Variants in MAX observed in about 807,000 individuals in gnomAD.
The protein encoded by MAX is protein max.
In MAX, 3 loss-of-function variants were observed where a neutral mutation model predicts 22.3. The observed-to-expected ratio is 0.13, with a 90% CI of 0.06 to 0.35. The LOEUF (loss-of-function observed/expected upper bound fraction) is 0.35. MAX is among the 10% of genes least tolerant of loss of function. The pLI is 1.00. For missense variants in MAX, 119 were observed against 209.4 expected, an observed-to-expected ratio of 0.57 and a Z score of 2.66; for synonymous variants, 72 against 77.7, an observed-to-expected ratio of 0.93 and a Z score of 0.39.
chr14:65,022,349 G>C (rs575840630), intron 3 of MAX, among the ~76,000 whole-genome samples: 26 of 150,758 alleles, frequency 1.7e-4, no homozygotes, highest in African/African-American at 5.4e-4. Flanking sequence ...ACTTATCCTA[G>C]GCCTTAAGTC....
In MAX at chr14:65,069,585, G is replaced by A. The variant is rs2062965461; in HGVS notation, c.171+24123C>T. On this transcript the variant is annotated intron_variant, in intron 3 of 3. Transcript: ENST00000341653. The surrounding 1 kb of genome is among the most constrained non-coding windows in gnomAD (Gnocchi z 4.6). Reference sequence around the variant, plus strand: ...AATACCCGAGGGTTGAACTCACGCAGAGGCAACCCTGGAACCGCCCTATCA... The same window carrying A: ...AATACCCGAGGGTTGAACTCACGCAAAGGCAACCCTGGAACCGCCCTATCA... Among the ~76,000 whole-genome samples, 1 of 152,244 alleles carries A rather than the reference G, an allele frequency of 6.6e-6. No individual in the cohort carries two copies. The highest frequency in any genetic ancestry group is 2.1e-4 in the South Asian group (1 of 4,834).
chr14:65,019,145 C>T (rs1294332877), intron 3 of MAX, among the ~76,000 whole-genome samples: 2 of 152,020 alleles, frequency 1.3e-5, no homozygotes, highest in African/African-American at 4.8e-5. Context: ...TGCACTCCAG[C>T]CTGGGCAACA....
chr14:65,044,675 C>G lies in MAX; in HGVS notation c.172-38391G>C. 1 of 646,482 alleles carries G rather than the reference C, an allele frequency of 1.5e-6. No individual in the cohort carries two copies. Among genetic ancestry groups the G allele is most frequent in the East Asian group, 3.6e-5 (1 of 27,914 alleles). 40.0% of individuals were successfully genotyped at this position (646,482 alleles called of 1,614,324 possible). On this transcript the variant is annotated intron_variant, in intron 3 of 3. Coordinates refer to the MAX transcript ENST00000341653. The surrounding 1 kb of genome is among the most constrained non-coding windows in gnomAD (Gnocchi z 5.5). ...TTCAAATTGGCTGCGACAGAATGAG[C>G]TTCCTTGAAATTGCTACGGGGAGCG... is the stretch of plus-strand genomic sequence containing the variant.
intron 3 of MAX, among the ~76,000 whole-genome samples, chr14:65,049,666 G>A (rs1385683544): frequency 6.6e-6 from 1 of 152,030 alleles, no homozygotes; most frequent in Non-Finnish European, 1.5e-5. Context: ...TCTAATTTTA[G>A]CCACAGGTTA....
chr14:65,100,038 A>G (rs560064948), intron 2 of MAX, among the ~76,000 whole-genome samples: 87 of 152,356 alleles, frequency 5.7e-4, no homozygotes, highest in Non-Finnish European at 7.5e-4. Flanking sequence ...AAGTTCTTAT[A>G]CCAGAGGTAT....
At chr14:65,068,462 T>C (rs1473213555) in intron 3 of MAX, among the ~76,000 whole-genome samples, 4 of 152,226 alleles carry the variant, frequency 2.6e-5, no homozygotes, top group East Asian at 3.9e-4. Context: ...TGGGGAGTTA[T>C]GCTCCATATG....
At chr14:65,056,566 C>T (rs777502653) in intron 3 of MAX, among the ~76,000 whole-genome samples, 12 of 152,106 alleles carry the variant, frequency 7.9e-5, no homozygotes, top group Non-Finnish European at 1.8e-4. Context: ...TTGTGTTTTC[C>T]TGATTACTGG....
chr14:65,019,175 AAAAAAG>A (rs549542967), intron 3 of MAX, among the ~76,000 whole-genome samples: 2 of 151,772 alleles, frequency 1.3e-5, no homozygotes, highest in East Asian at 3.9e-4. Context: ...CTCCATCTCA[AAAAAAG>A]AAAAAGAAAA....
intron 3 of MAX, among the ~76,000 whole-genome samples, chr14:65,049,776 T>C (rs1375337193): frequency 6.6e-6 from 1 of 152,140 alleles, no homozygotes; most frequent in Non-Finnish European, 1.5e-5. Flanking sequence ...GTTTAATAAA[T>C]ATGCTTTTTT....
chr14:65,067,517 CTTGT>C (rs2062942397), intron 3 of MAX, among the ~76,000 whole-genome samples: 1 of 152,042 alleles, frequency 6.6e-6, no homozygotes, highest in African/African-American at 2.4e-5. Flanking sequence ...TCATTCTTTC[CTTGT>C]TTTTGATGAC....
At chr14:65,006,135 C>G, downstream of MAX, 1 of 1,596,238 alleles carries the variant, frequency 6.3e-7, no homozygotes, top group East Asian at 2.3e-5. Flanking sequence ...ATAGGTCCAG[C>G]TTTGTTTGTT....
chr14:65,051,400 C>A (rs1444579768), intron 3 of MAX, among the ~76,000 whole-genome samples: 1 of 152,132 alleles, frequency 6.6e-6, no homozygotes, highest in Non-Finnish European at 1.5e-5. Flanking sequence ...CACCTGAGGT[C>A]AGGAGTTAGA....
chr14:65,026,857 G>A (rs183555944), intron 3 of MAX, among the ~76,000 whole-genome samples: 10 of 150,678 alleles, frequency 6.6e-5, no homozygotes, highest in Admixed American at 3.3e-4. Flanking sequence ...GGGCAACCCC[G>A]CCTCAAAAAA....
intron 3 of MAX, among the ~76,000 whole-genome samples, chr14:65,085,267 T>C (rs1306568408): frequency 2.0e-5 from 3 of 152,234 alleles, no homozygotes; most frequent in Non-Finnish European, 4.4e-5. Flanking sequence ...TAAAATGCAA[T>C]TGTGACTCAT....
In MAX at chr14:65,032,634, A is replaced by G; in HGVS notation, c.172-26350T>C. The G allele has an allele frequency of 6.2e-7, 1 of 1,613,996 alleles. No homozygotes were observed. The highest frequency in any genetic ancestry group is 8.5e-7 in the Non-Finnish European group (1 of 1,180,010). On this transcript the variant is annotated intron_variant, in intron 3 of 3. Transcript: ENST00000341653. The surrounding 1 kb of genome is among the most constrained non-coding windows in gnomAD (Gnocchi z 5.0). ...GAAGCGCATACTGTGCTGCCTCCGT[A>G]GCCTCGCTGACCAACATCATCACTC...
intron 3 of MAX, chr14:65,053,346 G>T: frequency 7.0e-7 from 1 of 1,427,508 alleles, no homozygotes; most frequent in African/African-American, 1.5e-5. Context: ...GATAAACCTG[G>T]CAAGTGAGTG....
intron 3 of MAX, among the ~76,000 whole-genome samples, chr14:65,055,373 T>C (rs1370755591): frequency 6.6e-6 from 1 of 152,036 alleles, no homozygotes; most frequent in African/African-American, 2.4e-5. Context: ...TGTCATGAAT[T>C]TTTGTGTGCA....
chr14:65,015,699 C>T (rs2061760686), intron 3 of MAX: 4 of 1,614,158 alleles, frequency 2.5e-6, no homozygotes, highest in Non-Finnish European at 3.4e-6. Context: ...AACCCATCCC[C>T]CAGATAGTGG....
intron 3 of MAX, among the ~76,000 whole-genome samples, chr14:65,083,560 G>A (rs1392736874): frequency 6.6e-6 from 1 of 152,132 alleles, no homozygotes; most frequent in Non-Finnish European, 1.5e-5. Context: ...TTAACATTAG[G>A]AACACCACTG....
Sources: allele counts gnomAD v4.1 joint callset (sites outside exome capture counted in the v4.1 genomes callset), GRCh38; gene constraint gnomAD v4.1.1; non-coding constraint Gnocchi (gnomAD v3.1); transcripts MANE v1.5; gene names NCBI Gene and HGNC (gene_info 2026-07-23, HGNC 2026-07-21).